FXR1: variants seen among roughly 807,000 people sequenced by gnomAD.
The protein encoded by FXR1 is RNA-binding protein FXR1.
A neutral mutation model predicts 84.0 loss-of-function variants in FXR1; 15 were observed. The ratio of observed to expected loss-of-function variants is 0.18; its 90% CI spans 0.12 to 0.27. The LOEUF (loss-of-function observed/expected upper bound fraction) is 0.27. FXR1 is among the 10% of genes least tolerant of loss of function. The pLI is 1.00. For synonymous variants in FXR1, 245 were observed against 250.7 expected, an observed-to-expected ratio of 0.98 and a Z score of 0.21; for missense variants, 480 against 774.4, an observed-to-expected ratio of 0.62 and a Z score of 4.51.
At chr3:180,961,426 T>C (rs1420623208) in intron 10 of FXR1, 42 bp from the exon 11 acceptor site, 9 of 1,032,434 alleles carry the variant, frequency 8.7e-6, no homozygotes, top group Admixed American at 3.6e-5. Flanking sequence ...AGAACTTTGT[T>C]AAAATATTAA....
Sources: allele counts gnomAD v4.1 joint callset, GRCh38; gene constraint gnomAD v4.1.1; transcripts MANE v1.5; gene names NCBI Gene and HGNC (gene_info 2026-07-23, HGNC 2026-07-21).